The following FAM210B variants were observed in gnomAD, a reference collection of about 807,000 sequenced individuals.
FAM210B encodes family with sequence similarity 210 member B.
In FAM210B, 11 loss-of-function variants were observed where a neutral mutation model predicts 14.9. The ratio of observed to expected loss-of-function variants is 0.74; its 90% CI spans 0.46 to 1.22. The LOEUF (loss-of-function observed/expected upper bound fraction) is 1.22. Among genes scored for constraint, FAM210B ranks in the 50% most tolerant of loss-of-function variants. The pLI is 0.00. For missense variants in FAM210B, 229 were observed against 250.1 expected (o/e 0.92, Z 0.57); for synonymous variants, 113 against 110.2 (o/e 1.03, Z -0.16).
intron 2 of FAM210B, 56 bp from the exon 3 acceptor site, chr20:56,366,015 T>C (rs915469446): frequency 1.3e-5 from 17 of 1,350,070 alleles, no homozygotes; most frequent in Non-Finnish European, 1.8e-5. Context: ...GCCAAATCAA[T>C]TTCTTCATTT....
chr20:56,365,924 G>A (rs1280038209), intron 2 of FAM210B, 147 bp from the exon 3 acceptor site: 6 of 551,150 alleles, frequency 1.1e-5, no homozygotes, highest in African/African-American at 2.6e-5. Flanking sequence ...GATTACAGGC[G>A]TGAGCCACTG....
At position 56,367,273 on chromosome 20, in the gene FAM210B, GTAAT is replaced by G. The variant is rs1983654547; in HGVS notation, c.*989_*992del. 1 of 152,228 alleles carries G rather than the reference GTAAT, an allele frequency of 6.6e-6. No homozygotes were observed. The allele number at this position is 152,228 out of a possible 1,614,324, so 9.4% of individuals were successfully genotyped here. On this transcript the variant is annotated 3_prime_UTR_variant, in exon 3 of 3. Transcript: ENST00000371384. ...GAGAGGCTTGTATTACATGACAGGT[GTAAT>G]TAGTCTGCTGAGCCAGCTTTACCCA...
At position 56,358,984 on chromosome 20, in the gene FAM210B, G is replaced by C; in HGVS notation, c.-22G>C. On this transcript the variant is annotated 5_prime_UTR_variant, in exon 1 of 3. Transcript: ENST00000371384. Reference sequence around the variant, plus strand: ...CCCGCCTCCCGGGTCAGCGGCGCGGGTGCTGCGCCTAGCTGCGCACCATGG... The same window carrying C: ...CCCGCCTCCCGGGTCAGCGGCGCGGCTGCTGCGCCTAGCTGCGCACCATGG... The C allele has an allele frequency of 8.2e-7, 1 of 1,222,902 alleles. No homozygotes were observed. The highest frequency in any genetic ancestry group is 1.0e-6 in the Non-Finnish European group (1 of 981,798). 75.8% of individuals were successfully genotyped at this position (1,222,902 alleles called of 1,614,324 possible).
Position 56,361,507 on chromosome 20 carries a change from A to G in FAM210B, c.186+2316A>G, listed in dbSNP as rs6099110. Among the ~76,000 whole-genome samples, 892 of 152,190 alleles carry G rather than the reference A, an allele frequency of 5.9e-3. 7 individuals carry two copies. The highest frequency in any genetic ancestry group is 0.02 in the African/African-American group (843 of 41,530). ...TAACATAGCATGGTTGTTCAGAGCA[A>G]AGGCCCTGGACCCAGACTCAGCGAG... On this transcript the variant is annotated intron_variant, in intron 1 of 2. Coordinates refer to ENST00000371384, the MANE Select transcript of FAM210B (RefSeq NM_080821.3).
intron 2 of FAM210B, 97 bp downstream of exon 2, chr20:56,365,359 G>C: frequency 7.4e-7 from 1 of 1,349,546 alleles, no homozygotes; most frequent in Non-Finnish European, 1.0e-6. Context: ...TTTTAAGACA[G>C]GGTCTCACTC....
chr20:56,366,742 C>G lies in FAM210B; in HGVS notation c.*455C>G, dbSNP rs1290777371. 1 of 157,914 alleles carries G rather than the reference C, an allele frequency of 6.3e-6. No individual in the cohort carries two copies. The highest frequency in any genetic ancestry group is 1.4e-5 in the Non-Finnish European group (1 of 71,642). 9.8% of individuals were successfully genotyped at this position (157,914 alleles called of 1,614,324 possible). On this transcript the variant is annotated 3_prime_UTR_variant, in exon 3 of 3. Transcript: ENST00000371384. ...AGTTTAATATGCAGCGTTCACAAAA[C>G]AGCTGCCAGTGCTACAATTAATGAA...
chr20:56,365,410 C>G (rs1164399577), intron 2 of FAM210B, 148 bp downstream of exon 2: 9 of 833,060 alleles, frequency 1.1e-5, no homozygotes, highest in Admixed American at 2.7e-5. Context: ...TCACAGCTCA[C>G]TGCAGTCTCG....
rs1280824741 is a variant in FAM210B, at chr20:56,366,073, G to A, written c.365G>A (p.Gly122Asp). ...LGIFYMVVSS[G>D]VDMPAILLKL... ...TTTCTTTGCTTCTTCCCCCCTAGTG[G>A]TGTGGACATGCCTGCAATCCTGCTG... Residue 122 changes from glycine to aspartate, a missense_variant and splice_region_variant, in exon 3 of 3, where the codon GGT becomes GAT. Physicochemically the swap from Gly to Asp is moderately conservative, Grantham distance 94. Around this residue, in one of 3 missense-constraint regions of FAM210B, gnomAD observed 32 missense variants for 62.2 expected, o/e 0.51. Transcript: ENST00000371384. 6.2e-7 allele frequency: 1 copy of A among 1,613,284 alleles called. No homozygotes were observed. The highest frequency in any genetic ancestry group is 1.3e-5 in the African/African-American group (1 of 74,828).
chr20:56,359,336 A>C lies in FAM210B; in HGVS notation c.186+145A>C. The C allele has an allele frequency of 1.2e-6, 1 of 815,702 alleles. No homozygotes were observed. The highest frequency in any genetic ancestry group is 1.6e-6 in the Non-Finnish European group (1 of 617,938). 50.5% of individuals were successfully genotyped at this position (815,702 alleles called of 1,614,324 possible). A position where few individuals can be genotyped will look rare whatever the true frequency, so the allele number is the denominator to read the frequency against. ...ACCGAGCTCTTCCAGGGTCCCCGAA[A>C]CCCCAAATCCCTGCAAGCCAAGGAA... On this transcript the variant is annotated intron_variant, in intron 1 of 2. Transcript: ENST00000371384. This position sits in a 1 kb window ranked among gnomAD's most constrained non-coding sequence, Gnocchi z 4.3.
At chr20:56,360,072 G>A (rs1232338643) in intron 1 of FAM210B, 7 of 401,248 alleles carry the variant, frequency 1.7e-5, no homozygotes, top group South Asian at 8.9e-5. Flanking sequence ...CCGGCCCAGC[G>A]AACATCTCCT....
Position 56,365,114 on chromosome 20 carries a change from G to A in FAM210B, c.214G>A (p.Gly72Ser). Reference protein sequence around the residue: ...QDPSQATGTTGSSVSCTEEKK... With the variant: ...QDPSQATGTTSSSVSCTEEKK... ...CCCCAGCCAGGCCACGGGGACAACA[G>A]GCAGCAGCGTCAGCTGCACAGAGGA... The change falls in exon 2 of 3, where the codon GGC becomes AGC. Residue 72 changes from glycine to serine, a missense_variant. Around this residue, in one of 3 missense-constraint regions of FAM210B, gnomAD observed 144 missense variants for 132.5 expected, o/e 1.09. Transcript: ENST00000371384. 6.2e-7 allele frequency: 1 copy of A among 1,613,668 alleles called. No individual in the cohort carries two copies. Among genetic ancestry groups the A allele is most frequent in the Non-Finnish European group, 8.5e-7 (1 of 1,180,026 alleles).
At chr20:56,361,584 C>T (rs921309857) in intron 1 of FAM210B, among the ~76,000 whole-genome samples, 2 of 152,204 alleles carry the variant, frequency 1.3e-5, no homozygotes, top group African/African-American at 4.8e-5. Flanking sequence ...GTAAATTACT[C>T]AACCTCTCTG....
chr20:56,360,262 C>T, intron 1 of FAM210B: 1 of 469,940 alleles, frequency 2.1e-6, no homozygotes, highest in Non-Finnish European at 4.4e-6. Context: ...CCTGATGATT[C>T]TTCAGGGCCC....
chr20:56,363,280 C>T lies in FAM210B; in HGVS notation c.187-1807C>T, dbSNP rs1190808784. Among the ~76,000 whole-genome samples the T allele has an allele frequency of 1.3e-5, 2 of 152,126 alleles. No homozygotes were observed. The highest frequency in any genetic ancestry group is 4.1e-4 in the South Asian group (2 of 4,828). On this transcript the variant is annotated intron_variant, in intron 1 of 2. Transcript: ENST00000371384. This position sits in a 1 kb window ranked among gnomAD's most constrained non-coding sequence, Gnocchi z 4.1. ...TCACCAGTCCATGCTGCCAGTTAGC[C>T]GTCCCTCCCTCCTGAGCCTCAGTCA... is the stretch of plus-strand genomic sequence containing the variant.
Position 56,359,097 on chromosome 20 carries a change from C to T in FAM210B, c.92C>T (p.Pro31Leu). The T allele has an allele frequency of 7.5e-7, 1 of 1,340,012 alleles. No individual in the cohort carries two copies. The highest frequency in any genetic ancestry group is 9.6e-7 in the Non-Finnish European group (1 of 1,044,264). The allele number at this position is 1,340,012 out of a possible 1,614,324, so 83.0% of individuals were successfully genotyped here. A position where few individuals can be genotyped will look rare whatever the true frequency, so the allele number is the denominator to read the frequency against. Residue 31 changes from proline (P) to leucine (L), a missense_variant, in exon 1 of 3, where the codon CCC (proline) becomes CTC (leucine). Physicochemically the swap from Pro to Leu is moderately conservative, Grantham distance 98 (BLOSUM62 -3). Coordinates refer to ENST00000371384, the MANE Select transcript of FAM210B (RefSeq NM_080821.3). This position sits in a 1 kb window ranked among gnomAD's most constrained non-coding sequence, Gnocchi z 4.3. ...ACCTGGCTCCTGGGCGCCACCGCCC[C>T]CTGCGCCCCGCCGCCCCTGGCCCTG... Reference protein sequence around the residue: ...RATWLLGATAPCAPPPLALAL... With the variant: ...RATWLLGATALCAPPPLALAL...
rs1428113265 is a variant in FAM210B at position 56,359,455 on chromosome 20, T to C, written c.186+264T>C. ...GCAGTCTTCGGCCGAGCCCCGGGTC[T>C]GCAGAGCCTCAGCCAGGCTGGGGCG... On this transcript the variant is annotated intron_variant, in intron 1 of 2. Transcript: ENST00000371384. This position sits in a 1 kb window ranked among gnomAD's most constrained non-coding sequence, Gnocchi z 4.3. Among the ~76,000 whole-genome samples the C allele has an allele frequency of 6.6e-6, 1 of 152,224 alleles. No individual in the cohort carries two copies. Among genetic ancestry groups the C allele is most frequent in the Non-Finnish European group, 1.5e-5 (1 of 68,034 alleles).
At position 56,366,849 on chromosome 20, in the gene FAM210B, G is replaced by T. The variant is rs1044377; in HGVS notation, c.*562G>T. ...ACATTGGTTTGGGGGAAGAAAAGTAGTTCTGGTATGTTTCATTGATCCCCA... is the reference window on the plus strand; with the variant it reads ...ACATTGGTTTGGGGGAAGAAAAGTATTTCTGGTATGTTTCATTGATCCCCA... On this transcript the variant is annotated 3_prime_UTR_variant, in exon 3 of 3. Coordinates refer to ENST00000371384, the MANE Select transcript of FAM210B (RefSeq NM_080821.3). The T allele has an allele frequency of 0.41, 62,671 of 153,120 alleles. 15,087 individuals are homozygous for T. Among genetic ancestry groups the T allele is most frequent in the African/African-American group, 0.65 (26,904 of 41,458 alleles). The allele number at this position is 153,120 out of a possible 1,614,324, so 9.5% of individuals were successfully genotyped here.
chr20:56,364,973 T>A (rs1983600151), intron 1 of FAM210B, 114 bp from the exon 2 acceptor site: 3 of 1,009,788 alleles, frequency 3.0e-6, no homozygotes, highest in African/African-American at 1.6e-5. Context: ...AGGAAAGGGG[T>A]AACTGATCTC....
At chr20:56,360,146 C>T (rs1388804694) in intron 1 of FAM210B, 2 of 468,208 alleles carry the variant, frequency 4.3e-6, no homozygotes, top group Non-Finnish European at 8.8e-6. Flanking sequence ...CATCATGCCT[C>T]CTGCCCAGAT....
Sources: allele counts gnomAD v4.1 joint callset (sites outside exome capture counted in the v4.1 genomes callset), GRCh38; gene constraint gnomAD v4.1.1; regional missense constraint gnomAD v4.1.1; non-coding constraint Gnocchi (gnomAD v3.1); transcripts MANE v1.5; gene names NCBI Gene and HGNC (gene_info 2026-07-23, HGNC 2026-07-21).